PEAK1: variants seen among roughly 807,000 people sequenced by gnomAD.
PEAK1 encodes the protein pseudopodium enriched atypical kinase 1.
A neutral mutation model predicts 124.7 loss-of-function variants in PEAK1; 54 were observed. The observed-to-expected ratio is 0.43, with a 90% CI of 0.35 to 0.54. PEAK1 has a LOEUF of 0.54. Ranked by LOEUF, PEAK1 falls within the 20% of genes least tolerant of loss-of-function variation. PEAK1 has a pLI of 0.01. For missense variants in PEAK1, 2,046 were observed against 2,134.5 expected, an observed-to-expected ratio of 0.96 and a Z score of 0.82; for synonymous variants, 719 against 760.0, an observed-to-expected ratio of 0.95 and a Z score of 0.89.
chr15:77,244,582 G>A (rs1262928328), intron 6 of PEAK1, among the ~76,000 whole-genome samples: 1 of 151,396 alleles, frequency 6.6e-6, no homozygotes, highest in Non-Finnish European at 1.5e-5. Flanking sequence ...TTCCTCAAGG[G>A]ACTTTTCTTT....
In PEAK1 at chr15:77,181,771, G is replaced by C. The variant is rs1375007446; in HGVS notation, c.156C>G (p.Asn52Lys). ...AATTGCCCGTGTTCCTGATGCGGTG[G>C]TTGTTACTGTGATTGGCATTAGTTT... Reference protein sequence around the residue: ...NVKTNANHSNNHRIRNTGNFR... With the variant: ...NVKTNANHSNKHRIRNTGNFR... The change falls in exon 7 of 10, where the codon AAC becomes AAG. Residue 52 changes from asparagine to lysine, a missense_variant. Asn to Lys is a moderately conservative substitution (Grantham distance 94, BLOSUM62 0). Transcript: ENST00000682557. 6.2e-7 allele frequency: 1 copy of C among 1,614,122 alleles called. No individual in the cohort carries two copies. Among genetic ancestry groups the C allele is most frequent in the Non-Finnish European group, 8.5e-7 (1 of 1,180,006 alleles).
intron 8 of PEAK1, among the ~76,000 whole-genome samples, chr15:77,149,934 G>T (rs1436118843): frequency 6.6e-6 from 1 of 152,048 alleles, no homozygotes; most frequent in Non-Finnish European, 1.5e-5. Flanking sequence ...ATTTTTTGTA[G>T]AGATGGGGTT....
chr15:77,266,148 C>T (rs556266489), intron 5 of PEAK1, among the ~76,000 whole-genome samples: 171 of 152,048 alleles, frequency 1.1e-3, no homozygotes, highest in African/African-American at 3.8e-3. Flanking sequence ...ATATACCTAA[C>T]GCTAGATGAC....
At chr15:77,342,892 A>G (rs2172587) in intron 2 of PEAK1, among the ~76,000 whole-genome samples, 55,294 of 151,948 alleles carry the variant, frequency 0.36, 10,205 homozygotes, top group Non-Finnish European at 0.39. Flanking sequence ...TCCACCTCTT[A>G]GCTATTATAA....
At chr15:77,416,360 C>T (rs1220403284) in intron 1 of PEAK1, among the ~76,000 whole-genome samples, 1 of 152,140 alleles carries the variant, frequency 6.6e-6, no homozygotes, top group Non-Finnish European at 1.5e-5. Flanking sequence ...ATAGATTTAT[C>T]CTGTCCCGTT....
intron 9 of PEAK1, among the ~76,000 whole-genome samples, chr15:77,118,498 A>G (rs1169827983): frequency 1.3e-5 from 2 of 152,018 alleles, no homozygotes; most frequent in East Asian, 1.9e-4. Flanking sequence ...AAACAAACCA[A>G]TTTTTCAGAA....
chr15:77,404,237 T>C (rs991507001), intron 1 of PEAK1: 1 of 985,410 alleles, frequency 1.0e-6, no homozygotes. Flanking sequence ...ATGGTGTAAC[T>C]TGGCTTTGCT....
At chr15:77,417,412 T>C in intron 1 of PEAK1, 1 of 955,386 alleles carries the variant, frequency 1.0e-6, no homozygotes, top group South Asian at 4.8e-5. Context: ...CCAGGAGCTT[T>C]AGTAATGAAA....
chr15:77,280,235 G>A (rs1230360069), intron 5 of PEAK1, among the ~76,000 whole-genome samples: 1 of 152,096 alleles, frequency 6.6e-6, no homozygotes, highest in East Asian at 1.9e-4. Flanking sequence ...CAGCTACTTA[G>A]GAGGCTGAGG....
intron 1 of PEAK1, among the ~76,000 whole-genome samples, chr15:77,367,226 AAT>A (rs1317133930): frequency 6.6e-6 from 1 of 152,216 alleles, no homozygotes; most frequent in Non-Finnish European, 1.5e-5. Context: ...AAAGATGCTT[AAT>A]GACTAACAGA....
At chr15:77,304,017 T>G (rs2063930621) in intron 2 of PEAK1, among the ~76,000 whole-genome samples, 1 of 152,230 alleles carries the variant, frequency 6.6e-6, no homozygotes, top group Non-Finnish European at 1.5e-5. Flanking sequence ...GAATTTATCT[T>G]AGACTCTCCA....
chr15:77,166,318 C>T (rs1235476979), intron 7 of PEAK1, among the ~76,000 whole-genome samples: 6 of 152,138 alleles, frequency 3.9e-5, no homozygotes, highest in Admixed American at 3.9e-4. Context: ...TTATTATTCC[C>T]ATAACAGCAA....
rs1434147239 is a variant in PEAK1 at position 77,108,695 on chromosome 15, T to C, written c.*5461A>G. On this transcript the variant is annotated 3_prime_UTR_variant, in exon 10 of 10. Coordinates refer to ENST00000682557, the MANE Select transcript of PEAK1 (RefSeq NM_001385026.1). ...ACACTAACGGGCAAAGTGGGTTTTC[T>C]GTACTACAACAATATTCGTAGCAAA... is the stretch of plus-strand genomic sequence containing the variant. 2 of 152,248 alleles carry C rather than the reference T, an allele frequency of 1.3e-5. No individual in the cohort carries two copies. Among genetic ancestry groups the C allele is most frequent in the African/African-American group, 4.8e-5 (2 of 41,464 alleles). The allele number at this position is 152,248 out of a possible 1,614,324, so 9.4% of individuals were successfully genotyped here.
intron 1 of PEAK1, among the ~76,000 whole-genome samples, chr15:77,374,571 T>C (rs1055429469): frequency 2.0e-5 from 3 of 152,124 alleles, no homozygotes; most frequent in Non-Finnish European, 4.4e-5. Context: ...GTAGCTTCAA[T>C]AATAAGAATT....
At chr15:77,214,670 T>C (rs1244312899) in intron 6 of PEAK1, among the ~76,000 whole-genome samples, 1 of 151,672 alleles carries the variant, frequency 6.6e-6, no homozygotes, top group Non-Finnish European at 1.5e-5. Flanking sequence ...GGCTTATAGT[T>C]CTGCAGGCCG....
At chr15:77,391,210 A>G (rs752689374) in intron 1 of PEAK1, among the ~76,000 whole-genome samples, 1 of 152,102 alleles carries the variant, frequency 6.6e-6, no homozygotes, top group African/African-American at 2.4e-5. Flanking sequence ...ACATAGTTTC[A>G]CATAAAGAAT....
chr15:77,315,524 T>C (rs116478354), intron 2 of PEAK1, among the ~76,000 whole-genome samples: 2,534 of 152,202 alleles, frequency 0.017, 69 homozygotes, highest in African/African-American at 0.056. Context: ...TGTTTTGTAA[T>C]CTCTACTGTA....
At chr15:77,142,923 G>C (rs1180186287) in intron 8 of PEAK1, among the ~76,000 whole-genome samples, 2 of 152,138 alleles carry the variant, frequency 1.3e-5, no homozygotes, top group Non-Finnish European at 2.9e-5. Context: ...GCAAAATTCT[G>C]TGAATATACT....
At position 77,349,944 on chromosome 15, in the gene PEAK1, T is replaced by TG. The variant is rs374424076; in HGVS notation, c.-603+15218dup. 1.1e-3 allele frequency: 1,070 copies of TG among 984,732 alleles called. 8 individuals are homozygous for TG. The African/African-American group carries it at 0.017, about 15-fold the overall frequency. The allele number at this position is 984,732 out of a possible 1,614,324, so 61.0% of individuals were successfully genotyped here. On this transcript the variant is annotated intron_variant, in intron 2 of 9. Transcript: ENST00000682557. ...GAGTGTCACGAAGAAAATATACATCTGCTCCATATTCCAAATTCTTCCTTT... is the reference window on the plus strand; with the variant it reads ...GAGTGTCACGAAGAAAATATACATCTGGCTCCATATTCCAAATTCTTCCTTT...
Sources: gnomAD v4.1 joint callset for allele counts (sites outside exome capture counted in the v4.1 genomes callset) on GRCh38, gnomAD v4.1.1 for gene constraint, MANE v1.5 for transcripts, NCBI Gene and HGNC (gene_info 2026-07-23, HGNC 2026-07-21) for gene names.